Variants in GREM2 observed in about 807,000 individuals in gnomAD.
GREM2 encodes gremlin-2.
In GREM2, 11 loss-of-function variants were observed where a neutral mutation model predicts 14.2. That is an observed-to-expected ratio of 0.78 (90% CI 0.49 to 1.28). GREM2 has a LOEUF of 1.28. Ranked by LOEUF, GREM2 falls within the 50% of genes most tolerant of loss-of-function variation. The pLI is 0.00. For missense variants in GREM2, 210 were observed against 218.5 expected (o/e 0.96, Z 0.24); for synonymous variants, 98 against 97.6 (o/e 1.00, Z -0.02).
chr1:240,492,720 C>T lies in GREM2; in HGVS notation c.*249G>A. Reference sequence around the variant, plus strand: ...GTGGTGGTTTTCCAGCATTTTCCTTCGGGCCTGATCCACCGCCTGGTTTAG... The same window carrying T: ...GTGGTGGTTTTCCAGCATTTTCCTTTGGGCCTGATCCACCGCCTGGTTTAG... On this transcript the variant is annotated 3_prime_UTR_variant, in exon 2 of 2. Coordinates refer to ENST00000318160, the MANE Select transcript of GREM2 (RefSeq NM_022469.4). 3.2e-6 allele frequency: 1 copy of T among 309,900 alleles called. No individual in the cohort carries two copies. Among genetic ancestry groups the T allele is most frequent in the Non-Finnish European group, 5.8e-6 (1 of 171,382 alleles). The allele number at this position is 309,900 out of a possible 1,614,324, so 19.2% of individuals were successfully genotyped here.
intron 1 of GREM2, among the ~76,000 whole-genome samples, chr1:240,586,975 T>C (rs1359175783): frequency 6.6e-6 from 1 of 152,222 alleles, no homozygotes; most frequent in Non-Finnish European, 1.5e-5. Flanking sequence ...GAGAGAATTC[T>C]TGGAAATATA....
At chr1:240,514,671 G>A (rs574248120) in intron 1 of GREM2, among the ~76,000 whole-genome samples, 1 of 152,306 alleles carries the variant, frequency 6.6e-6, no homozygotes, top group South Asian at 2.1e-4. Flanking sequence ...CGCCAAGGCA[G>A]GAGGATTGCA....
At chr1:240,494,372 A>G (rs1165308000) in intron 1 of GREM2, among the ~76,000 whole-genome samples, 2 of 152,230 alleles carry the variant, frequency 1.3e-5, no homozygotes, top group East Asian at 3.9e-4. Flanking sequence ...CTCCAGAGCC[A>G]TCAATGTTAA....
In GREM2 at chr1:240,542,952, C is replaced by A. The variant is rs1309749293; in HGVS notation, c.-1-49476G>T. Among the ~76,000 whole-genome samples, 1 of 152,116 alleles carries A rather than the reference C, an allele frequency of 6.6e-6. No homozygotes were observed. Among genetic ancestry groups the A allele is most frequent in the East Asian group, 1.9e-4 (1 of 5,188 alleles). ...TCCACTCTTAGAAGTTCTGTAAGAT[C>A]CCACCAAAAAATATCACCTTCTTTG... is the stretch of plus-strand genomic sequence containing the variant. On this transcript the variant is annotated intron_variant, in intron 1 of 1. Coordinates refer to ENST00000318160, the MANE Select transcript of GREM2 (RefSeq NM_022469.4). The surrounding 1 kb of genome is among the most constrained non-coding windows in gnomAD (Gnocchi z 4.1).
intron 1 of GREM2, among the ~76,000 whole-genome samples, chr1:240,600,637 C>T (rs544468358): frequency 1.7e-4 from 26 of 152,214 alleles, no homozygotes; most frequent in African/African-American, 5.8e-4. Context: ...GCGCCCACCA[C>T]CGCACACGGC....
At chr1:240,526,338 G>A (rs1178773114) in intron 1 of GREM2, among the ~76,000 whole-genome samples, 1 of 152,086 alleles carries the variant, frequency 6.6e-6, no homozygotes, top group African/African-American at 2.4e-5. Context: ...GTAGTTTGGG[G>A]GTGATTATTT....
At chr1:240,528,480 T>C (rs984467443) in intron 1 of GREM2, among the ~76,000 whole-genome samples, 1 of 152,168 alleles carries the variant, frequency 6.6e-6, no homozygotes, top group African/African-American at 2.4e-5. Flanking sequence ...AGAAACATTA[T>C]TGGCCACAAG....
At chr1:240,590,496 C>T (rs1008266950) in intron 1 of GREM2, among the ~76,000 whole-genome samples, 5 of 150,046 alleles carry the variant, frequency 3.3e-5, no homozygotes, top group Admixed American at 6.7e-5. Context: ...ATGGGGCGAT[C>T]CTGGCTCACT....
chr1:240,575,404 TG>T (rs1029639005), intron 1 of GREM2, among the ~76,000 whole-genome samples: 2 of 149,622 alleles, frequency 1.3e-5, no homozygotes, highest in African/African-American at 4.9e-5. Context: ...GGTTGGGGGG[TG>T]GGGGTGTCAC....
intron 1 of GREM2, among the ~76,000 whole-genome samples, chr1:240,551,336 G>C (rs1678845092): frequency 8.4e-6 from 1 of 119,268 alleles, no homozygotes; most frequent in Admixed American, 8.4e-5. Context: ...GGTTTACCTT[G>C]TGTTTTTTTT....
intron 1 of GREM2, among the ~76,000 whole-genome samples, chr1:240,587,322 C>CT (rs142154303): frequency 0.14 from 21,056 of 149,726 alleles, 1,608 homozygotes; most frequent in South Asian, 0.28. Context: ...TTTCTTTTTT[C>CT]TTTTTTTTGG....
chr1:240,550,602 T>G (rs923663177), intron 1 of GREM2, among the ~76,000 whole-genome samples: 5 of 152,168 alleles, frequency 3.3e-5, no homozygotes, highest in African/African-American at 1.2e-4. Flanking sequence ...GCATCAGTTG[T>G]TTTGCATTAA....
At chr1:240,544,567 A>G (rs1678675127) in intron 1 of GREM2, among the ~76,000 whole-genome samples, 1 of 152,208 alleles carries the variant, frequency 6.6e-6, no homozygotes, top group African/African-American at 2.4e-5. Context: ...AAATGCTCCA[A>G]CTGTGTCTTC....
At chr1:240,573,826 G>C (rs528751644) in intron 1 of GREM2, among the ~76,000 whole-genome samples, 1 of 152,252 alleles carries the variant, frequency 6.6e-6, no homozygotes, top group East Asian at 1.9e-4. Flanking sequence ...CCTGAGTTGC[G>C]GGTAGAGGAT....
chr1:240,576,442 T>C (rs1350396861), intron 1 of GREM2, among the ~76,000 whole-genome samples: 1 of 152,204 alleles, frequency 6.6e-6, no homozygotes, highest in African/African-American at 2.4e-5. Context: ...CCAGTCCATA[T>C]TTCCTGTTCA....
chr1:240,585,419 C>T (rs1679575440), intron 1 of GREM2, among the ~76,000 whole-genome samples: 1 of 151,968 alleles, frequency 6.6e-6, no homozygotes, highest in African/African-American at 2.4e-5. Context: ...ACACAGACTG[C>T]AGTCTCGGGA....
At chr1:240,573,063 T>TCCC (rs1679289522) in intron 1 of GREM2, among the ~76,000 whole-genome samples, 1 of 152,130 alleles carries the variant, frequency 6.6e-6, no homozygotes, top group African/African-American at 2.4e-5. Flanking sequence ...CACTCAAATT[T>TCCC]TAAGTGAGAG....
At chr1:240,496,794 G>A (rs1049103398) in intron 1 of GREM2, among the ~76,000 whole-genome samples, 2 of 152,116 alleles carry the variant, frequency 1.3e-5, no homozygotes, top group African/African-American at 4.8e-5. Context: ...CGGATCCCCT[G>A]ATGTCAGGAG....
intron 1 of GREM2, among the ~76,000 whole-genome samples, chr1:240,507,346 T>C (rs572269192): frequency 7.0e-4 from 104 of 148,950 alleles, no homozygotes; most frequent in African/African-American, 2.4e-3. Context: ...ACCTCTCTCT[T>C]TCTTTCTTTC....
Sources: gnomAD v4.1 joint callset for allele counts (sites outside exome capture counted in the v4.1 genomes callset) on GRCh38, gnomAD v4.1.1 for gene constraint, Gnocchi (gnomAD v3.1) non-coding constraint, MANE v1.5 for transcripts, NCBI Gene and HGNC (gene_info 2026-07-23, HGNC 2026-07-21) for gene names.